Variants in KDR observed in about 807,000 individuals in gnomAD.
The protein encoded by KDR is vascular endothelial growth factor receptor 2.
A neutral mutation model predicts 160.9 loss-of-function variants in KDR; 43 were observed. The observed-to-expected ratio is 0.27, with a 90% CI of 0.21 to 0.34. KDR has a LOEUF of 0.34. Ranked by LOEUF, KDR falls within the 10% of genes least tolerant of loss-of-function variation. KDR has a pLI of 1.00. For synonymous variants in KDR, 617 were observed against 600.1 expected (o/e 1.03, Z -0.41); for missense variants, 1,469 against 1,666.4 (o/e 0.88, Z 2.06).
Position 55,125,387 on chromosome 4 carries a change from G to T in KDR, c.-94C>A, listed in dbSNP as rs1721006349. ...AGAAGGAGGCGCGGAGGTGGAACTC[G>T]CGGCACCCCGCAGCGCAGGACAGTT... On this transcript the variant is annotated 5_prime_UTR_variant, in exon 1 of 30. Coordinates refer to ENST00000263923, the MANE Select transcript of KDR (RefSeq NM_002253.4). 3 of 1,439,756 alleles carry T rather than the reference G, an allele frequency of 2.1e-6. No individual in the cohort carries two copies. The highest frequency in any genetic ancestry group is 2.8e-6 in the Non-Finnish European group (3 of 1,055,768). 89.2% of individuals were successfully genotyped at this position (1,439,756 alleles called of 1,614,324 possible). A position where few individuals can be genotyped will look rare whatever the true frequency, so the allele number is the denominator to read the frequency against.
intron 22 of KDR, among the ~76,000 whole-genome samples, chr4:55,091,579 C>G (rs201169645): frequency 6.6e-6 from 1 of 152,188 alleles, no homozygotes; most frequent in Admixed American, 6.5e-5. Context: ...TCTCCTCCTT[C>G]CCCTTGGGAG....
rs2110025235 is a variant in KDR at position 55,107,732 on chromosome 4, C to T, written c.1412+5G>A. On this transcript the variant is annotated splice_donor_5th_base_variant and intron_variant, in intron 10 of 29. Coordinates refer to ENST00000263923, the MANE Select transcript of KDR (RefSeq NM_002253.4). ...GGAAAGCAAAGAGCATGTGGCCTTA[C>T]TCACCTGGGCTCGTTGGCGCACTCT... 16 of 1,613,908 alleles carry T rather than the reference C, an allele frequency of 9.9e-6. No homozygotes were observed. Among genetic ancestry groups the T allele is most frequent in the East Asian group, 2.2e-5 (1 of 44,872 alleles).
Position 55,106,820 on chromosome 4 carries a change from A to T in KDR, c.1413-10T>A. ...CACTGAGACAGCTTGGCTATAAGAA[A>T]GAGATAACAGCGCATATTATGATTT... On this transcript the variant is annotated splice_polypyrimidine_tract_variant and intron_variant, in intron 10 of 29. Coordinates refer to ENST00000263923, the MANE Select transcript of KDR (RefSeq NM_002253.4). 1 of 1,602,760 alleles carries T rather than the reference A, an allele frequency of 6.2e-7. No homozygotes were observed. The highest frequency in any genetic ancestry group is 8.5e-7 in the Non-Finnish European group (1 of 1,169,714).
At chr4:55,110,900 C>T (rs1200833232) in intron 7 of KDR, 132 bp from the exon 8 acceptor site, 5 of 711,100 alleles carry the variant, frequency 7.0e-6, no homozygotes, top group African/African-American at 3.6e-5. Flanking sequence ...CCTGTACTAT[C>T]TTTCAGTGGG....
chr4:55,081,482 C>T (rs1011046688), intron 29 of KDR, among the ~76,000 whole-genome samples: 4 of 152,148 alleles, frequency 2.6e-5, no homozygotes, highest in Non-Finnish European at 5.9e-5. Flanking sequence ...TAATACTTTT[C>T]TCACAATGAA....
At chr4:55,115,552 TCTG>T in intron 3 of KDR, 141 bp from the exon 4 acceptor site, 1 of 632,388 alleles carries the variant, frequency 1.6e-6, no homozygotes, top group Non-Finnish European at 2.8e-6. Flanking sequence ...CACAGATTAT[TCTG>T]CTGATAGATA....
intron 18 of KDR, 78 bp downstream of exon 18, chr4:55,097,584 C>T (rs1720194354): frequency 2.1e-6 from 2 of 951,352 alleles, no homozygotes; most frequent in Non-Finnish European, 3.4e-6. Context: ...AAGCACAAAG[C>T]TACTGATACA....
chr4:55,103,054 T>C (rs1185789251), intron 13 of KDR, among the ~76,000 whole-genome samples: 1 of 152,190 alleles, frequency 6.6e-6, no homozygotes, highest in Non-Finnish European at 1.5e-5. Flanking sequence ...AAACCACTTG[T>C]CCATGTCCCT....
At chr4:55,111,670 C>A (rs1426373102) in intron 7 of KDR, among the ~76,000 whole-genome samples, 4 of 152,168 alleles carry the variant, frequency 2.6e-5, no homozygotes, top group Non-Finnish European at 4.4e-5. Flanking sequence ...AGCCAGAGCA[C>A]ATCTCTCTCT....
chr4:55,116,644 A>G (rs1720742620), intron 3 of KDR, among the ~76,000 whole-genome samples: 1 of 152,134 alleles, frequency 6.6e-6, no homozygotes, highest in African/African-American at 2.4e-5. Context: ...AGAGTTAATT[A>G]AACCACAGGG....
intron 24 of KDR, 28 bp downstream of exon 24, chr4:55,089,663 G>A (rs748282652): frequency 2.4e-5 from 38 of 1,583,738 alleles, no homozygotes; most frequent in Middle Eastern, 1.8e-4. Context: ...TTGGAGTCTG[G>A]ATGGAAGGAC....
In KDR at chr4:55,095,579, T is replaced by C. The variant is rs1344205647; in HGVS notation, c.2815A>G (p.Lys939Glu). 2 of 1,606,054 alleles carry C rather than the reference T, an allele frequency of 1.2e-6. No individual in the cohort carries two copies. The highest frequency in any genetic ancestry group is 1.7e-6 in the Non-Finnish European group (2 of 1,172,722). ...RSKRNEFVPY[K>E]TKGARFRQGK... The stretch of plus-strand genomic sequence containing the variant: ...AGCAGGATTAGGAGATGACATACCT[T>C]GTAGGGGACAAATTCATTTCTCTTG... Residue 939 changes from lysine (K) to glutamate (E), a missense_variant and splice_region_variant, in exon 20 of 30, where the codon AAG becomes GAG. Lys to Glu is a moderately conservative substitution (Grantham distance 56). Around this residue, in one of 7 missense-constraint regions of KDR, gnomAD observed 151 missense variants for 207.2 expected, o/e 0.73. Coordinates refer to ENST00000263923, the MANE Select transcript of KDR (RefSeq NM_002253.4).
intron 22 of KDR, among the ~76,000 whole-genome samples, chr4:55,091,487 T>TA (rs557836623): frequency 1.7e-4 from 26 of 152,158 alleles, no homozygotes; most frequent in Non-Finnish European, 2.6e-4. Flanking sequence ...ATTCCGGCCA[T>TA]AAAAAAATGG....
Position 55,106,917 on chromosome 4 carries a change from T to C in KDR, c.1413-107A>G, listed in dbSNP as rs557122659. 8.7e-5 allele frequency: 85 copies of C among 975,312 alleles called. 1 individual carries two copies. In the East Asian group the frequency reaches 1.8e-3, roughly 21 times the overall value. 60.4% of individuals were successfully genotyped at this position (975,312 alleles called of 1,614,324 possible). On this transcript the variant is annotated intron_variant, in intron 10 of 29. Coordinates refer to ENST00000263923, the MANE Select transcript of KDR (RefSeq NM_002253.4). ...TGGTTATTCTGTTCTTAGAAATAAC[T>C]TCCAACGCAGCCTACCATGGTACAA...
intron 21 of KDR, 38 bp from the exon 22 acceptor site, chr4:55,092,752 C>T (rs1300094773): frequency 7.2e-7 from 1 of 1,380,926 alleles, no homozygotes; most frequent in Non-Finnish European, 1.0e-6. Flanking sequence ...TCAGTATTTC[C>T]ATGAGTTAGT....
intron 26 of KDR, among the ~76,000 whole-genome samples, chr4:55,088,095 C>G (rs1442994166): frequency 4.6e-5 from 7 of 152,182 alleles, no homozygotes; most frequent in South Asian, 2.1e-4. Context: ...AAAGCCCTAA[C>G]CACACGAGCC....
rs958623104 is a variant in KDR at position 55,092,169 on chromosome 4, A to T, written c.3069+448T>A. The T allele has an allele frequency of 1.9e-5, 4 of 212,692 alleles. No individual in the cohort carries two copies. The South Asian group carries it at 3.4e-4, about 18-fold the overall frequency. The allele number at this position is 212,692 out of a possible 1,614,324, so 13.2% of individuals were successfully genotyped here. On this transcript the variant is annotated intron_variant, in intron 22 of 29. Coordinates refer to ENST00000263923, the MANE Select transcript of KDR (RefSeq NM_002253.4). ...TTGTTTAAAGTAGATGTACACACACAGAGAAGCATAAACATACACAAGTGC... is the reference window on the plus strand; with the variant it reads ...TTGTTTAAAGTAGATGTACACACACTGAGAAGCATAAACATACACAAGTGC...
At chr4:55,117,721 C>A (rs1720770387) in intron 3 of KDR, among the ~76,000 whole-genome samples, 1 of 152,132 alleles carries the variant, frequency 6.6e-6, no homozygotes, top group African/African-American at 2.4e-5. Context: ...TGTAAAAAGG[C>A]ATATACGTAA....
chr4:55,092,856 T>G, intron 21 of KDR, 142 bp from the exon 22 acceptor site: 1 of 691,508 alleles, frequency 1.4e-6, no homozygotes. Flanking sequence ...GCTTCTATCT[T>G]CTGTAAATCT....
Sources: allele counts gnomAD v4.1 joint callset (sites outside exome capture counted in the v4.1 genomes callset), GRCh38; gene constraint gnomAD v4.1.1; regional missense constraint gnomAD v4.1.1; transcripts MANE v1.5; gene names NCBI Gene and HGNC (gene_info 2026-07-23, HGNC 2026-07-21).